Variants in WDR5 observed in about 807,000 individuals in gnomAD.
The protein encoded by WDR5 is WD repeat domain 5.
For missense variants in WDR5, 187 were observed against 416.9 expected, an observed-to-expected ratio of 0.45 and a Z score of 4.80; for synonymous variants, 144 against 161.6, an observed-to-expected ratio of 0.89 and a Z score of 0.83.
At chr9:134,142,085 C>A in intron 5 of WDR5, 47 bp downstream of exon 5, 1 of 1,568,618 alleles carries the variant, frequency 6.4e-7, no homozygotes, top group Non-Finnish European at 8.7e-7. Context: ...GGCTGCAGGG[C>A]ACGGGGCAGG....
At position 134,158,060 on chromosome 9, in the gene WDR5, C is replaced by G; in HGVS notation, c.*67C>G. 1 of 1,455,992 alleles carries G rather than the reference C, an allele frequency of 6.9e-7. No homozygotes were observed. The highest frequency in any genetic ancestry group is 1.7e-5 in the Admixed American group (1 of 59,358). 90.2% of individuals were successfully genotyped at this position (1,455,992 alleles called of 1,614,324 possible). ...CCCGGATTGGCAAGAAACAGGGTGTCTTGGAGGTGGTCCCCCAGATCTGCG... is the reference window on the plus strand; with the variant it reads ...CCCGGATTGGCAAGAAACAGGGTGTGTTGGAGGTGGTCCCCCAGATCTGCG... On this transcript the variant is annotated 3_prime_UTR_variant, in exon 14 of 14. Transcript: ENST00000358625.
At chr9:134,135,592 C>T (rs936147284), upstream of WDR5, 1 of 152,176 alleles carries the variant, frequency 6.6e-6, no homozygotes, top group African/African-American at 2.4e-5. Flanking sequence ...CCTGCCCGCC[C>T]GGGGTGGGAG....
chr9:134,150,713 C>T (rs555552107), intron 8 of WDR5, among the ~76,000 whole-genome samples: 1 of 152,330 alleles, frequency 6.6e-6, no homozygotes, highest in South Asian at 2.1e-4. Flanking sequence ...CCTTGCTTTT[C>T]AGGCAGGGAC....
intron 1 of WDR5, 118 bp downstream of exon 1, chr9:134,136,318 A>G (rs997712325): frequency 8.0e-5 from 12 of 149,306 alleles, no homozygotes; most frequent in African/African-American, 2.9e-4. Flanking sequence ...GGCCAGGCCC[A>G]GCCCCGGGCG....
chr9:134,137,041 G>A (rs1564185862), intron 1 of WDR5, among the ~76,000 whole-genome samples: 1 of 152,172 alleles, frequency 6.6e-6, no homozygotes, highest in East Asian at 1.9e-4. Context: ...CCCGGCTGGT[G>A]TTTAAGATGC....
chr9:134,155,488 C>T (rs540426155), intron 11 of WDR5, 115 bp downstream of exon 11: 17 of 1,434,620 alleles, frequency 1.2e-5, no homozygotes, highest in South Asian at 4.1e-5. Context: ...GAGCCATCTC[C>T]GCTGGGTTTG....
intron 1 of WDR5, among the ~76,000 whole-genome samples, chr9:134,137,025 C>T (rs1296954882): frequency 6.6e-6 from 1 of 152,182 alleles, no homozygotes; most frequent in African/African-American, 2.4e-5. Context: ...TCTGTTGGGC[C>T]GGCCACCCGG....
chr9:134,150,482 CTT>C (rs1259294548), intron 8 of WDR5, among the ~76,000 whole-genome samples: 3 of 152,146 alleles, frequency 2.0e-5, no homozygotes, highest in Non-Finnish European at 4.4e-5. Flanking sequence ...TGCTGAAACT[CTT>C]TCTATGAAAA....
At chr9:134,142,506 G>T (rs1288522690) in intron 6 of WDR5, 84 bp downstream of exon 6, 1 of 1,564,368 alleles carries the variant, frequency 6.4e-7, no homozygotes, top group African/African-American at 1.4e-5. Flanking sequence ...CCACTGTGGA[G>T]AAGGCAGGTG....
chr9:134,153,535 C>T (rs1422907239), intron 9 of WDR5, among the ~76,000 whole-genome samples: 3 of 152,252 alleles, frequency 2.0e-5, no homozygotes, highest in African/African-American at 4.8e-5. Flanking sequence ...ACTGTGACCT[C>T]GGCCTGCCTG....
At chr9:134,156,234 T>G (rs1367685328) in intron 12 of WDR5, among the ~76,000 whole-genome samples, 1 of 152,244 alleles carries the variant, frequency 6.6e-6, no homozygotes, top group African/African-American at 2.4e-5. Flanking sequence ...GAGAAGCATC[T>G]TCCATCCTGG....
intron 1 of WDR5, among the ~76,000 whole-genome samples, chr9:134,137,590 G>A (rs958477453): frequency 1.4e-5 from 2 of 145,688 alleles, no homozygotes; most frequent in East Asian, 4.1e-4. Flanking sequence ...AGGCTGAGGC[G>A]CAAGAATTAC....
chr9:134,139,097 C>T (rs1220578194), intron 1 of WDR5, among the ~76,000 whole-genome samples: 2 of 152,186 alleles, frequency 1.3e-5, no homozygotes, highest in Non-Finnish European at 2.9e-5. Context: ...AGTGTGAGTC[C>T]TGCTCGTAGA....
rs78603189 is a variant in WDR5, at chr9:134,152,735, C to T, written c.631+706C>T. Among the ~76,000 whole-genome samples the T allele has an allele frequency of 3.8e-3, 581 of 152,288 alleles. 2 individuals carry two copies. Among genetic ancestry groups the T allele is most frequent in the African/African-American group, 0.014 (565 of 41,550 alleles). ...GAGGCACCCCGTTTGCGCCCTTCTT[C>T]CCTCTAGTCTGTCATAGCCTGCTGG... is the stretch of plus-strand genomic sequence containing the variant. On this transcript the variant is annotated intron_variant, in intron 9 of 13. Coordinates refer to ENST00000358625, the MANE Select transcript of WDR5 (RefSeq NM_017588.3).
At chr9:134,138,506 G>C (rs35511305) in intron 1 of WDR5, among the ~76,000 whole-genome samples, 1,626 of 152,304 alleles carry the variant, frequency 0.011, 18 homozygotes, top group Middle Eastern at 0.024. Flanking sequence ...CCACGTAGCT[G>C]GCATTTACCG....
chr9:134,142,014 C>T lies in WDR5; in HGVS notation c.330C>T (p.Thr110=). 6.2e-7 allele frequency: 1 copy of T among 1,614,152 alleles called. No homozygotes were observed. The highest frequency in any genetic ancestry group is 8.5e-7 in the Non-Finnish European group (1 of 1,180,038). ...NLLVSASDDK[T]LKIWDVSSGK... The stretch of plus-strand genomic sequence containing the variant: ...TTGTTTCTGCCTCAGATGACAAAAC[C>T]TTGAAGATATGGGACGTGAGCTCGG... The change falls in exon 5 of 14, where the codon ACC becomes ACT. Residue 110 remains threonine, a synonymous_variant. Coordinates refer to ENST00000358625, the MANE Select transcript of WDR5 (RefSeq NM_017588.3).
chr9:134,142,435 G>C lies in WDR5; in HGVS notation c.444+13G>C. ...TGTCTCAGGATCCGTAAGTGTGGCTGGGGTGTCTTCCCTGGGGGAGGTGGT... is the reference window on the plus strand; with the variant it reads ...TGTCTCAGGATCCGTAAGTGTGGCTCGGGTGTCTTCCCTGGGGGAGGTGGT... On this transcript the variant is annotated intron_variant, in intron 6 of 13. Transcript: ENST00000358625. 1 of 1,613,854 alleles carries C rather than the reference G, an allele frequency of 6.2e-7. No homozygotes were observed. Among genetic ancestry groups the C allele is most frequent in the Non-Finnish European group, 8.5e-7 (1 of 1,179,736 alleles).
chr9:134,140,828 C>A lies in WDR5; in HGVS notation c.190+17C>A, dbSNP rs368256185. ...CAAGTTCATGTACGTAGCACTGAGG[C>A]CCTTAGCTGCTGGGAGAGGCGGTCT... On this transcript the variant is annotated intron_variant, in intron 3 of 13. Transcript: ENST00000358625. 6.2e-7 allele frequency: 1 copy of A among 1,607,050 alleles called. No homozygotes were observed. Among genetic ancestry groups the A allele is most frequent in the East Asian group, 2.2e-5 (1 of 44,834 alleles).
intron 3 of WDR5, among the ~76,000 whole-genome samples, chr9:134,141,069 G>A (rs1327268694): frequency 1.3e-5 from 2 of 152,166 alleles, no homozygotes; most frequent in Admixed American, 1.3e-4. Flanking sequence ...GGATCACGAG[G>A]TCAGGAGTTC....
Sources: allele counts gnomAD v4.1 joint callset (sites outside exome capture counted in the v4.1 genomes callset), GRCh38; gene constraint gnomAD v4.1.1; transcripts MANE v1.5; gene names NCBI Gene and HGNC (gene_info 2026-07-23, HGNC 2026-07-21).